ZNF678: variants seen among roughly 807,000 people sequenced by gnomAD.
ZNF678 encodes the protein zinc finger protein 678.
In ZNF678, 5 loss-of-function variants were observed where a neutral mutation model predicts 3.0. The ratio of observed to expected loss-of-function variants is 1.69; its 90% CI spans 0.88 to 3.56. ZNF678 has a LOEUF of 3.56. Ranked by LOEUF, ZNF678 falls within the 30% of genes most tolerant of loss-of-function variation. The pLI, the probability that ZNF678 is intolerant of heterozygous loss-of-function variation, is 0.00. For synonymous variants in ZNF678, 218 were observed against 199.6 expected, an observed-to-expected ratio of 1.09 and a Z score of -0.78; for missense variants, 593 against 605.0, an observed-to-expected ratio of 0.98 and a Z score of 0.21.
At chr1:227,668,250 A>G (rs1448390510) in intron 5 of ZNF678, among the ~76,000 whole-genome samples, 4 of 152,212 alleles carry the variant, frequency 2.6e-5, no homozygotes, top group Non-Finnish European at 5.9e-5. Context: ...GCCTGTTGAT[A>G]CCAGTTCTAT....
rs1658151833 is a variant in ZNF678 at position 227,616,778 on chromosome 1, A to C, written c.-163-29766A>C. Among the ~76,000 whole-genome samples the C allele has an allele frequency of 1.3e-5, 2 of 152,110 alleles. 1 individual carries two copies. Among genetic ancestry groups the C allele is most frequent in the Non-Finnish European group, 2.9e-5 (2 of 68,006 alleles). The stretch of plus-strand genomic sequence containing the variant: ...TGGTGCATTCATATTATGCAGAAAA[A>C]ATCTATAAGCTAGGCCCTAACCTTC... On this transcript the variant is annotated intron_variant, in intron 1 of 3. Transcript: ENST00000343776.
chr1:227,652,831 G>T lies in ZNF678; in HGVS notation c.86-1505G>T, dbSNP rs75424130. Reference sequence around the variant, plus strand: ...TCTAAAACTACAGAATTTTATTTTTGTATATGTGTACATCTTTCCCAGACA... The same window carrying T: ...TCTAAAACTACAGAATTTTATTTTTTTATATGTGTACATCTTTCCCAGACA... On this transcript the variant is annotated intron_variant, in intron 3 of 3. Transcript: ENST00000343776. Among the ~76,000 whole-genome samples the T allele has an allele frequency of 1.4e-3, 220 of 152,068 alleles. 6 individuals carry two copies. In the East Asian group the frequency reaches 0.035, roughly 24 times the overall value.
downstream of ZNF678, among the ~76,000 whole-genome samples, chr1:227,664,441 AT>A (rs1379018763): frequency 1.3e-5 from 2 of 152,106 alleles, no homozygotes; most frequent in Non-Finnish European, 2.9e-5. Flanking sequence ...TCAGAAAGAC[AT>A]GTGAGCCTTA....
rs567143673 is a variant in ZNF678, at chr1:227,608,953, G to C, written c.-163-37591G>C. Among the ~76,000 whole-genome samples, 5 of 152,224 alleles carry C rather than the reference G, an allele frequency of 3.3e-5. No individual in the cohort carries two copies. The East Asian group carries it at 9.6e-4, about 29-fold the overall frequency. On this transcript the variant is annotated intron_variant, in intron 1 of 3. Transcript: ENST00000343776. ...AAAGACACGTAAAAACTGGACTCTT[G>C]ACAAGAATTAAGGTATTCCAAATTA... is the stretch of plus-strand genomic sequence containing the variant.
chr1:227,603,054 C>T (rs1350129261), intron 1 of ZNF678, among the ~76,000 whole-genome samples: 1 of 151,854 alleles, frequency 6.6e-6, no homozygotes, highest in Non-Finnish European at 1.5e-5. Context: ...GCATGTGCAT[C>T]TTCCTGGAAT....
chr1:227,600,576 C>T (rs748129441), intron 1 of ZNF678, among the ~76,000 whole-genome samples: 20 of 152,174 alleles, frequency 1.3e-4, no homozygotes, highest in Non-Finnish European at 1.9e-4. Flanking sequence ...TTGTTGGCTG[C>T]ATGTATATCT....
chr1:227,672,113 A>T (rs1293426402), intron 5 of ZNF678, among the ~76,000 whole-genome samples: 1 of 152,192 alleles, frequency 6.6e-6, no homozygotes, highest in African/African-American at 2.4e-5. Flanking sequence ...GGAAAGGTAG[A>T]TTGAAAAAAA....
chr1:227,608,447 G>A (rs1657932799), intron 1 of ZNF678, among the ~76,000 whole-genome samples: 1 of 152,052 alleles, frequency 6.6e-6, no homozygotes, highest in African/African-American at 2.4e-5. Context: ...ATTATTTTTT[G>A]AATATTGAAA....
chr1:227,632,884 C>A (rs1658583120), intron 1 of ZNF678, among the ~76,000 whole-genome samples: 1 of 152,170 alleles, frequency 6.6e-6, no homozygotes, highest in Non-Finnish European at 1.5e-5. Flanking sequence ...GTTCTCTGAC[C>A]TGGGGTTCTT....
chr1:227,589,474 A>G (rs1657350763), intron 1 of ZNF678, among the ~76,000 whole-genome samples: 1 of 151,666 alleles, frequency 6.6e-6, no homozygotes, highest in Non-Finnish European at 1.5e-5. Flanking sequence ...CGAGCTGCAG[A>G]CAAAACTCCT....
At chr1:227,581,175 A>G (rs1395100427) in intron 1 of ZNF678, among the ~76,000 whole-genome samples, 1 of 151,912 alleles carries the variant, frequency 6.6e-6, no homozygotes, top group Non-Finnish European at 1.5e-5. Flanking sequence ...GTATCCTGTC[A>G]ATTGCTAAGA....
rs752970327 is a variant in ZNF678, at chr1:227,643,166, T to TAGG, written c.-163-3357_-163-3355dup. ...CATTCCTGAACAGAATTATTAGTAG[T>TAGG]AGGAGGAGGAGGAGGAGGAGGAGTT... On this transcript the variant is annotated intron_variant, in intron 1 of 3. Coordinates refer to ENST00000343776, the MANE Select transcript of ZNF678 (RefSeq NM_001367909.1). 5.0e-3 allele frequency among the ~76,000 whole-genome samples: 760 copies of TAGG among 151,566 alleles called. 4 individuals carry two copies. The highest frequency in any genetic ancestry group is 0.017 in the African/African-American group (683 of 41,260).
intron 1 of ZNF678, among the ~76,000 whole-genome samples, chr1:227,576,283 TC>T (rs1310106755): frequency 1.3e-5 from 2 of 152,176 alleles, no homozygotes; most frequent in Non-Finnish European, 2.9e-5. Context: ...TAGGGAGCAG[TC>T]CCTTCTCCTC....
At chr1:227,630,000 T>C (rs936426612) in intron 1 of ZNF678, among the ~76,000 whole-genome samples, 1 of 152,038 alleles carries the variant, frequency 6.6e-6, no homozygotes, top group Admixed American at 6.6e-5. Context: ...TGATCTCTAT[T>C]ATAAAAAACT....
intron 1 of ZNF678, among the ~76,000 whole-genome samples, chr1:227,625,169 T>C (rs1360640370): frequency 6.6e-6 from 1 of 152,192 alleles, no homozygotes; most frequent in Non-Finnish European, 1.5e-5. Flanking sequence ...TGGTTGGGTG[T>C]GAGCTGAGTT....
chr1:227,581,938 A>T (rs1195771244), intron 1 of ZNF678, among the ~76,000 whole-genome samples: 1 of 152,076 alleles, frequency 6.6e-6, no homozygotes, highest in East Asian at 1.9e-4. Context: ...TTCTTTTTTC[A>T]TGTTAATTAT....
intron 1 of ZNF678, among the ~76,000 whole-genome samples, chr1:227,579,461 T>C (rs1657067157): frequency 6.6e-6 from 1 of 152,088 alleles, no homozygotes; most frequent in East Asian, 1.9e-4. Flanking sequence ...CTGCCAAGGC[T>C]GAATCTGCAA....
chr1:227,633,877 A>C (rs1658611365), intron 1 of ZNF678, among the ~76,000 whole-genome samples: 1 of 152,208 alleles, frequency 6.6e-6, no homozygotes, highest in Non-Finnish European at 1.5e-5. Flanking sequence ...TGGCCCACTG[A>C]TACATGAGCT....
At chr1:227,666,559 G>A (rs954682510), downstream of ZNF678, among the ~76,000 whole-genome samples, 1 of 152,102 alleles carries the variant, frequency 6.6e-6, no homozygotes, top group Non-Finnish European at 1.5e-5. Flanking sequence ...TGGCTTAGGG[G>A]AAGTATTTTT....
Sources: allele counts gnomAD v4.1 joint callset (sites outside exome capture counted in the v4.1 genomes callset), GRCh38; gene constraint gnomAD v4.1.1; transcripts MANE v1.5; gene names NCBI Gene and HGNC (gene_info 2026-07-23, HGNC 2026-07-21).